Variants in DNAH11 observed in about 807,000 individuals in gnomAD.
DNAH11 encodes the protein dynein axonemal heavy chain 11.
DNAH11 carries 442 observed loss-of-function variants against 526.0 expected under a neutral mutation model. The ratio of observed to expected loss-of-function variants is 0.84; its 90% CI spans 0.78 to 0.91. The LOEUF is 0.91. Ranked by LOEUF, DNAH11 falls within the 40% of genes least tolerant of loss-of-function variation. The pLI is 0.00. For synonymous variants in DNAH11, 2,461 were observed against 1,935.9 expected, an observed-to-expected ratio of 1.27 and a Z score of -7.12; for missense variants, 6,989 against 5,448.7, an observed-to-expected ratio of 1.28 and a Z score of -8.90.
chr7:21,644,057 C>G (rs1412058177), intron 28 of DNAH11, among the ~76,000 whole-genome samples: 1 of 152,152 alleles, frequency 6.6e-6, no homozygotes, highest in Non-Finnish European at 1.5e-5. Context: ...CTGCACCAAT[C>G]TACACACAAG....
At chr7:21,713,390 G>A (rs1400724971) in intron 42 of DNAH11, among the ~76,000 whole-genome samples, 3 of 152,146 alleles carry the variant, frequency 2.0e-5, no homozygotes, top group African/African-American at 4.8e-5. Flanking sequence ...AGTGAGGTCA[G>A]GCTGTTTATT....
Position 21,899,991 on chromosome 7 carries a change from A to T in DNAH11, c.13174A>T (p.Thr4392Ser). The T allele has an allele frequency of 6.2e-7, 1 of 1,613,978 alleles. No individual in the cohort carries two copies. Among genetic ancestry groups the T allele is most frequent in the Non-Finnish European group, 8.5e-7 (1 of 1,179,858 alleles). ...PQSFLTAIMQ[T>S]MARKNEWPLD... ...TTATATTTCCAAAGCAATCATGCAGACGATGGCTCGAAAAAATGAGTGGCC... is the reference window on the plus strand; with the variant it reads ...TTATATTTCCAAAGCAATCATGCAGTCGATGGCTCGAAAAAATGAGTGGCC... Residue 4392 changes from threonine (T) to serine (S), a missense_variant, in exon 81 of 82, where the codon ACG (threonine) becomes TCG (serine). Thr to Ser is a moderately conservative substitution (Grantham distance 58, BLOSUM62 1). Coordinates refer to ENST00000409508, the MANE Select transcript of DNAH11 (RefSeq NM_001277115.2).
chr7:21,860,287 C>A (rs1450454843), intron 68 of DNAH11, among the ~76,000 whole-genome samples: 3 of 149,920 alleles, frequency 2.0e-5, no homozygotes, highest in Admixed American at 1.3e-4. Flanking sequence ...TGGCTACTAT[C>A]AAAAAAAAAA....
intron 25 of DNAH11, among the ~76,000 whole-genome samples, chr7:21,624,731 A>G (rs57921859): frequency 0.27 from 40,327 of 152,004 alleles, 5,589 homozygotes; most frequent in East Asian, 0.5. Context: ...TTTATATGCC[A>G]ATTTTGTTGG....
intron 9 of DNAH11, among the ~76,000 whole-genome samples, chr7:21,585,277 G>C (rs898688582): frequency 4.6e-5 from 7 of 152,118 alleles, no homozygotes; most frequent in African/African-American, 9.7e-5. Context: ...GGAGTGACTG[G>C]TAGTTCAAGT....
At chr7:21,751,592 G>T (rs1485557880) in intron 54 of DNAH11, among the ~76,000 whole-genome samples, 1 of 152,170 alleles carries the variant, frequency 6.6e-6, no homozygotes, top group Non-Finnish European at 1.5e-5. Context: ...TGTTATGCCT[G>T]TCAAGTTAGT....
At chr7:21,892,968 T>G (rs1440829820) in intron 77 of DNAH11, among the ~76,000 whole-genome samples, 1 of 152,232 alleles carries the variant, frequency 6.6e-6, no homozygotes, top group Non-Finnish European at 1.5e-5. Context: ...TCTAACTCCT[T>G]TCATTCTGCA....
intron 24 of DNAH11, 122 bp downstream of exon 24, chr7:21,619,344 C>G: frequency 8.6e-7 from 1 of 1,162,182 alleles, no homozygotes; most frequent in Non-Finnish European, 1.2e-6. Context: ...CCAGTTTGTT[C>G]CCTGCTGTTC....
chr7:21,634,627 CAAAG>C (rs1786771373), intron 25 of DNAH11, among the ~76,000 whole-genome samples: 1 of 151,962 alleles, frequency 6.6e-6, no homozygotes, highest in African/African-American at 2.4e-5. Context: ...CCCTTGGACA[CAAAG>C]AAGGGAATGA....
rs565529617 is a variant in DNAH11 at position 21,656,758 on chromosome 7, T to G, written c.5094+777T>G. ...ATTTGCAGAAAGATGAGTGGCAACC[T>G]TATTTCACAAGGGTTTTCTTTACTC... is the stretch of plus-strand genomic sequence containing the variant. On this transcript the variant is annotated intron_variant, in intron 29 of 81. Transcript: ENST00000409508. Among the ~76,000 whole-genome samples the G allele has an allele frequency of 2.0e-5, 3 of 152,338 alleles. No homozygotes were observed. The South Asian group carries it at 6.2e-4, about 32-fold the overall frequency.
intron 47 of DNAH11, 136 bp from the exon 48 acceptor site, chr7:21,739,435 G>T: frequency 1.6e-6 from 1 of 611,820 alleles, no homozygotes; most frequent in Non-Finnish European, 2.7e-6. Flanking sequence ...CTCAAATAAG[G>T]CTCACTAGGT....
At position 21,892,595 on chromosome 7, in the gene DNAH11, C is replaced by G; in HGVS notation, c.12678C>G (p.Phe4226Leu). The G allele has an allele frequency of 1.9e-6, 3 of 1,613,948 alleles. No homozygotes were observed. Among genetic ancestry groups the G allele is most frequent in the Non-Finnish European group, 2.5e-6 (3 of 1,179,844 alleles). Reference sequence around the variant, plus strand: ...TGACAGTGACATCCAACACTCTCTTCAGAACTTTGCTGGAGATGCAGCCCA... The same window carrying G: ...TGACAGTGACATCCAACACTCTCTTGAGAACTTTGCTGGAGATGCAGCCCA... ...EFLTVTSNTL[F>L]RTLLEMQPRN... Residue 4226 changes from phenylalanine to leucine, a missense_variant, in exon 77 of 82, where the codon TTC becomes TTG. Phe to Leu is a conservative substitution (Grantham distance 22). Transcript: ENST00000409508.
At chr7:21,749,903 C>G in intron 53 of DNAH11, 102 bp downstream of exon 53, 1 of 1,544,664 alleles carries the variant, frequency 6.5e-7, no homozygotes, top group African/African-American at 1.4e-5. Flanking sequence ...GAGATGTTTG[C>G]TGGGCAGTCT....
At chr7:21,557,509 C>A (rs773744964) in intron 2 of DNAH11, among the ~76,000 whole-genome samples, 2 of 152,076 alleles carry the variant, frequency 1.3e-5, no homozygotes, top group South Asian at 2.1e-4. Flanking sequence ...GTGGAAGGGG[C>A]GAACAAGCTC....
chr7:21,890,230 A>C (rs2128046533), intron 76 of DNAH11, among the ~76,000 whole-genome samples: 1 of 152,340 alleles, frequency 6.6e-6, no homozygotes, highest in South Asian at 2.1e-4. Context: ...AAGCTGAATC[A>C]GGCTGTCTAG....
At chr7:21,879,758 C>G (rs1052160930) in intron 74 of DNAH11, among the ~76,000 whole-genome samples, 3 of 152,122 alleles carry the variant, frequency 2.0e-5, no homozygotes, top group Non-Finnish European at 4.4e-5. Flanking sequence ...GTTTTCCAGA[C>G]TTGACCAATC....
rs376452135 is a variant in DNAH11 at position 21,591,256 on chromosome 7, C to A, written c.2346C>A (p.Tyr782Ter). The stretch of plus-strand genomic sequence containing the variant: ...AACAGACGCTCCTGGAAGTTGAATA[C>A]CCTCTGATTGAAGATGAGCTGAGGG... ...KLKQTLLEVE[Y>*]PLIEDELRAI... Residue 782 changes from tyrosine to a stop codon, truncating the protein, a stop_gained, in exon 14 of 82, where the codon TAC becomes TAA. Transcript: ENST00000409508. LOFTEE classifies it high-confidence loss of function. 2.5e-6 allele frequency: 4 copies of A among 1,604,086 alleles called. No individual in the cohort carries two copies. The African/African-American group carries it at 4.0e-5, about 16-fold the overall frequency.
chr7:21,849,463 A>C (rs147456340), intron 66 of DNAH11, among the ~76,000 whole-genome samples: 2 of 152,242 alleles, frequency 1.3e-5, no homozygotes, highest in African/African-American at 4.8e-5. Context: ...TTTCTTGTCT[A>C]TGAAGAAATT....
At chr7:21,636,970 ATAAT>A (rs1173373192) in intron 26 of DNAH11, among the ~76,000 whole-genome samples, 1 of 152,182 alleles carries the variant, frequency 6.6e-6, no homozygotes, top group African/African-American at 2.4e-5. Context: ...GCATGTAATG[ATAAT>A]TGATTGGAGA....
Sources: allele counts gnomAD v4.1 joint callset (sites outside exome capture counted in the v4.1 genomes callset), GRCh38; gene constraint gnomAD v4.1.1; transcripts MANE v1.5; gene names NCBI Gene and HGNC (gene_info 2026-07-23, HGNC 2026-07-21).